Variants in F11R observed in about 807,000 individuals in gnomAD.
F11R encodes junctional adhesion molecule A.
In F11R, 27 loss-of-function variants were observed where a neutral mutation model predicts 39.3. That is an observed-to-expected ratio of 0.69 (90% confidence interval 0.51 to 0.95). The LOEUF (loss-of-function observed/expected upper bound fraction) is 0.95. Ranked by LOEUF, F11R falls within the 40% of genes least tolerant of loss-of-function variation. The pLI is 0.00. For missense variants in F11R, 335 were observed against 372.7 expected (o/e 0.90, Z 0.83); for synonymous variants, 131 against 144.9 (o/e 0.90, Z 0.69).
chr1:161,020,052 C>T (rs1467597247), intron 1 of F11R, among the ~76,000 whole-genome samples: 1 of 152,150 alleles, frequency 6.6e-6, no homozygotes, highest in African/African-American at 2.4e-5. Flanking sequence ...GACACAACTA[C>T]TCACACAACG....
At chr1:161,004,959 G>A (rs975188912) in intron 1 of F11R, among the ~76,000 whole-genome samples, 5 of 151,648 alleles carry the variant, frequency 3.3e-5, no homozygotes, top group Non-Finnish European at 7.4e-5. Flanking sequence ...GCAGGAGTTC[G>A]AGACCAGCTT....
At chr1:161,004,773 G>GA (rs893836851) in intron 1 of F11R, among the ~76,000 whole-genome samples, 48 of 149,266 alleles carry the variant, frequency 3.2e-4, no homozygotes, top group South Asian at 8.5e-4. Flanking sequence ...TAGGTTTAAT[G>GA]AAAAAAAAAC....
intron 1 of F11R, among the ~76,000 whole-genome samples, chr1:161,015,605 A>G (rs868644706): frequency 0.01 from 1,427 of 139,442 alleles, 22 homozygotes; most frequent in African/African-American, 0.036. Context: ...AAAAAAAAAA[A>G]GGCTGCAGTG....
intron 1 of F11R, among the ~76,000 whole-genome samples, chr1:161,015,151 T>C (rs1375522173): frequency 1.4e-5 from 2 of 145,806 alleles, no homozygotes; most frequent in East Asian, 2.1e-4. Flanking sequence ...AATCCCAGCA[T>C]TTTGGGAGGC....
intron 1 of F11R, among the ~76,000 whole-genome samples, chr1:161,002,282 A>AC (rs1236889469): frequency 1.5e-4 from 23 of 150,912 alleles, no homozygotes; most frequent in Non-Finnish European, 3.2e-4. Flanking sequence ...AAAAAAAAAA[A>AC]ACACACAACT....
At chr1:161,003,914 G>A (rs775125114) in intron 1 of F11R, among the ~76,000 whole-genome samples, 1 of 151,580 alleles carries the variant, frequency 6.6e-6, no homozygotes, top group Non-Finnish European at 1.5e-5. Context: ...ACAGGCAGGC[G>A]CCACCATGCC....
intron 1 of F11R, among the ~76,000 whole-genome samples, chr1:161,020,009 G>A (rs1193257237): frequency 6.6e-6 from 1 of 152,044 alleles, no homozygotes; most frequent in African/African-American, 2.4e-5. Context: ...AAGAACCTTG[G>A]GGGTGGGGGG....
At position 160,996,830 on chromosome 1, in the gene F11R, C is replaced by G. The variant is rs1648155325; in HGVS notation, c.*2041G>C. On this transcript the variant is annotated 3_prime_UTR_variant, in exon 10 of 10. Transcript: ENST00000368026. ...CATCTTTACTGAACCATTTCATAAG[C>G]TCTACTTTATTTGTCTAGTTGGATT... The G allele has an allele frequency of 6.6e-6, 1 of 152,226 alleles. No homozygotes were observed. Among genetic ancestry groups the G allele is most frequent in the Admixed American group, 6.6e-5 (1 of 15,250 alleles). 9.4% of individuals were successfully genotyped at this position (152,226 alleles called of 1,614,324 possible).
At chr1:161,000,547 C>T in intron 4 of F11R, 84 bp downstream of exon 4, 1 of 1,578,766 alleles carries the variant, frequency 6.3e-7, no homozygotes, top group Non-Finnish European at 8.7e-7. Context: ...GGTATTCTCA[C>T]CATCAAAGAG....
At chr1:161,009,823 C>T (rs1649029482) in intron 1 of F11R, among the ~76,000 whole-genome samples, 1 of 152,032 alleles carries the variant, frequency 6.6e-6, no homozygotes, top group African/African-American at 2.4e-5. Context: ...ATGGTGCATA[C>T]CTGTAGTCCC....
intron 1 of F11R, 128 bp downstream of exon 1, chr1:161,020,882 G>C: frequency 1.2e-6 from 1 of 837,010 alleles, no homozygotes; most frequent in Non-Finnish European, 2.0e-6. Flanking sequence ...GGGTGGAAAA[G>C]ATAATTCGCA....
At chr1:161,014,153 C>T (rs966104574) in intron 1 of F11R, among the ~76,000 whole-genome samples, 5 of 152,240 alleles carry the variant, frequency 3.3e-5, no homozygotes, top group Non-Finnish European at 7.3e-5. Context: ...GACGCAAGGT[C>T]ATCCAGGTCT....
intron 1 of F11R, among the ~76,000 whole-genome samples, chr1:161,003,829 A>G (rs1294126007): frequency 6.6e-6 from 1 of 151,934 alleles, no homozygotes; most frequent in African/African-American, 2.4e-5. Flanking sequence ...CAGTGGCGCA[A>G]TCTAGACTCA....
chr1:161,011,521 G>A (rs1363076460), intron 1 of F11R, among the ~76,000 whole-genome samples: 3 of 152,058 alleles, frequency 2.0e-5, no homozygotes, highest in East Asian at 3.9e-4. Flanking sequence ...AGGTGGTCAG[G>A]AGTTCAGGAC....
intron 1 of F11R, among the ~76,000 whole-genome samples, chr1:161,002,176 C>T (rs1399693759): frequency 2.0e-5 from 3 of 150,408 alleles, no homozygotes; most frequent in East Asian, 2.0e-4. Context: ...GCAGAAGAGT[C>T]GCTTGAACCC....
intron 8 of F11R, 125 bp downstream of exon 8, chr1:160,999,271 C>A (rs1408197961): frequency 1.2e-5 from 17 of 1,470,876 alleles, no homozygotes; most frequent in Non-Finnish European, 1.6e-5. Context: ...GCTGGATATC[C>A]AAATGCCTTC....
rs372088486 is a variant in F11R, at chr1:161,017,070, A to G, written c.64+3940T>C. 3.3e-5 allele frequency among the ~76,000 whole-genome samples: 5 copies of G among 152,292 alleles called. No homozygotes were observed. In the South Asian group the frequency reaches 8.3e-4, roughly 25 times the overall value. On this transcript the variant is annotated intron_variant, in intron 1 of 9. Coordinates refer to ENST00000368026, the MANE Select transcript of F11R (RefSeq NM_016946.6). ...TGTTAAACAAATGCTTGAAGGCAGC[A>G]TGCTCCTTAAGAGTCATCACCACTC...
intron 1 of F11R, among the ~76,000 whole-genome samples, chr1:161,007,406 AGTGAGCCAAGATC>A (rs1413681704): frequency 1.6e-4 from 24 of 152,136 alleles, no homozygotes; most frequent in Admixed American, 1.5e-3. Flanking sequence ...CAGAGGTTGC[AGTGAGCCAAGATC>A]GTGCCATTGC....
chr1:161,010,846 C>T (rs1034054398), intron 1 of F11R, among the ~76,000 whole-genome samples: 5 of 151,394 alleles, frequency 3.3e-5, no homozygotes, highest in East Asian at 2.0e-4. Flanking sequence ...ATTAGCTGGG[C>T]GTGGTGGCAG....
Sources: allele counts gnomAD v4.1 joint callset (sites outside exome capture counted in the v4.1 genomes callset), GRCh38; gene constraint gnomAD v4.1.1; transcripts MANE v1.5; gene names NCBI Gene and HGNC (gene_info 2026-07-23, HGNC 2026-07-21).